CLSTN1: variants seen among roughly 807,000 people sequenced by gnomAD.
CLSTN1 encodes calsyntenin 1.
A neutral mutation model predicts 108.3 loss-of-function variants in CLSTN1; 28 were observed. That is an observed-to-expected ratio of 0.26 (90% confidence interval 0.19 to 0.35). The LOEUF (loss-of-function observed/expected upper bound fraction) is 0.35. Ranked by LOEUF, CLSTN1 falls within the 10% of genes least tolerant of loss-of-function variation. CLSTN1 has a pLI of 1.00. For synonymous variants in CLSTN1, 524 were observed against 534.9 expected, an observed-to-expected ratio of 0.98 and a Z score of 0.28; for missense variants, 1,157 against 1,302.6, an observed-to-expected ratio of 0.89 and a Z score of 1.72.
intron 16 of CLSTN1, 151 bp from the exon 17 acceptor site, chr1:9,732,047 G>A (rs201466642): frequency 1.9e-4 from 111 of 581,174 alleles, no homozygotes; most frequent in South Asian, 6.6e-4. Flanking sequence ...GAAAAGGACA[G>A]AAAAAAAAAT....
Position 9,731,889 on chromosome 1 carries a change from A to C in CLSTN1, c.2435T>G (p.Val812Gly). Residue 812 changes from valine to glycine, a missense_variant, in exon 17 of 19, where the codon GTA (valine) becomes GGA (glycine). Val to Gly is a moderately radical substitution (Grantham distance 109). Transcript: ENST00000377298. The stretch of plus-strand genomic sequence containing the variant: ...TTCCATGGGGTTGGCCGTGTGGATT[A>C]CATTCACCTATAGCAGAGAAAGAGA... ...ISNEFKVEVN[V>G]IHTANPMEHA... The C allele has an allele frequency of 6.2e-7, 1 of 1,614,194 alleles. No individual in the cohort carries two copies. The highest frequency in any genetic ancestry group is 8.5e-7 in the Non-Finnish European group (1 of 1,180,036).
At chr1:9,744,978 T>G (rs527547996) in intron 7 of CLSTN1, among the ~76,000 whole-genome samples, 1 of 152,252 alleles carries the variant, frequency 6.6e-6, no homozygotes, top group African/African-American at 2.4e-5. Context: ...GGCCTGGAAC[T>G]CCTGACCTCG....
At chr1:9,775,978 T>C (rs531740485) in intron 1 of CLSTN1, among the ~76,000 whole-genome samples, 20 of 141,684 alleles carry the variant, frequency 1.4e-4, no homozygotes, top group South Asian at 2.2e-4. Flanking sequence ...CCTCCTCTCT[T>C]TTTTTTTTTT....
In CLSTN1 at chr1:9,762,410, G is replaced by A. The variant is rs1474733846; in HGVS notation, c.215-5900C>T. Among the ~76,000 whole-genome samples the A allele has an allele frequency of 4.6e-5, 7 of 151,540 alleles. No homozygotes were observed. The East Asian group carries it at 9.7e-4, about 21-fold the overall frequency. On this transcript the variant is annotated intron_variant, in intron 2 of 18. Transcript: ENST00000377298. ...CGGGAGGCAGAAGTTGCAGTGAGCC[G>A]AGATCACGCCACTGCACTCCAGCCT...
At chr1:9,821,368 G>A (rs1399274183) in intron 1 of CLSTN1, among the ~76,000 whole-genome samples, 8 of 152,216 alleles carry the variant, frequency 5.3e-5, no homozygotes, top group African/African-American at 1.9e-4. Flanking sequence ...CCTGACCTCA[G>A]GTGATCCGCT....
chr1:9,822,400 C>T (rs1198114348), intron 1 of CLSTN1, among the ~76,000 whole-genome samples: 4 of 152,172 alleles, frequency 2.6e-5, no homozygotes, highest in African/African-American at 7.2e-5. Context: ...CCGCCTCTGC[C>T]CTTTAATTCG....
At chr1:9,777,465 G>A (rs1317414298) in intron 1 of CLSTN1, among the ~76,000 whole-genome samples, 7 of 152,058 alleles carry the variant, frequency 4.6e-5, no homozygotes, top group Admixed American at 4.6e-4. Context: ...AAAGGTTGCA[G>A]TGAGCCAAGA....
chr1:9,783,306 C>T lies in CLSTN1; in HGVS notation c.92-9912G>A, dbSNP rs189834310. Reference sequence around the variant, plus strand: ...GAAATCCACGGTTTCCAGCCAGGCGCAGTGGCTCACACCCATAATCCCAAC... The same window carrying T: ...GAAATCCACGGTTTCCAGCCAGGCGTAGTGGCTCACACCCATAATCCCAAC... On this transcript the variant is annotated intron_variant, in intron 1 of 18. Coordinates refer to ENST00000377298, the MANE Select transcript of CLSTN1 (RefSeq NM_001009566.3). Among the ~76,000 whole-genome samples, 28 of 152,140 alleles carry T rather than the reference C, an allele frequency of 1.8e-4. No homozygotes were observed. The East Asian group carries it at 5.4e-3, about 30-fold the overall frequency.
At chr1:9,748,679 G>C (rs568318980) in intron 7 of CLSTN1, among the ~76,000 whole-genome samples, 2 of 152,214 alleles carry the variant, frequency 1.3e-5, no homozygotes, top group East Asian at 3.9e-4. Flanking sequence ...GTAGAGACAG[G>C]GTTTTCTCCA....
intron 2 of CLSTN1, among the ~76,000 whole-genome samples, chr1:9,757,227 A>C (rs940595079): frequency 2.0e-5 from 3 of 151,916 alleles, no homozygotes; most frequent in African/African-American, 4.8e-5. Flanking sequence ...TAATGAAACA[A>C]AAATTTGGAG....
chr1:9,772,469 C>A (rs751760571), intron 2 of CLSTN1, among the ~76,000 whole-genome samples: 12 of 152,070 alleles, frequency 7.9e-5, no homozygotes, highest in African/African-American at 1.4e-4. Context: ...CTGTGCCCAG[C>A]CGTGCAGGAG....
chr1:9,735,344 C>T (rs1030096109), intron 13 of CLSTN1, 123 bp downstream of exon 13: 64 of 1,451,040 alleles, frequency 4.4e-5, no homozygotes, highest in Non-Finnish European at 5.6e-5. Flanking sequence ...CTCTCTGCCC[C>T]ACACTTTCTG....
intron 16 of CLSTN1, among the ~76,000 whole-genome samples, chr1:9,733,187 C>G (rs967702552): frequency 2.3e-4 from 35 of 152,248 alleles, no homozygotes; most frequent in African/African-American, 7.5e-4. Context: ...GAGCACCCCC[C>G]ACCCCAGCTC....
intron 3 of CLSTN1, 52 bp from the exon 4 acceptor site, chr1:9,755,361 C>T: frequency 6.9e-7 from 1 of 1,459,524 alleles, no homozygotes; most frequent in Non-Finnish European, 9.4e-7. Context: ...AGATCTTCTG[C>T]ACCTTGCCCT....
chr1:9,759,529 G>A (rs1380592088), intron 2 of CLSTN1, among the ~76,000 whole-genome samples: 10 of 152,202 alleles, frequency 6.6e-5, no homozygotes, highest in Admixed American at 4.6e-4. Context: ...TGATCCGCCC[G>A]CCTCGGCCTC....
intron 1 of CLSTN1, among the ~76,000 whole-genome samples, chr1:9,817,361 CTT>C (rs1227794987): frequency 1.3e-5 from 2 of 152,058 alleles, no homozygotes; most frequent in East Asian, 3.9e-4. Context: ...GAGTTTTGCT[CTT>C]GTTGCCCAGG....
intron 4 of CLSTN1, 134 bp downstream of exon 4, chr1:9,754,980 G>T: frequency 1.5e-6 from 1 of 652,186 alleles, no homozygotes; most frequent in South Asian, 2.1e-5. Flanking sequence ...CAATCTAATT[G>T]TAGACACTTG....
intron 1 of CLSTN1, among the ~76,000 whole-genome samples, chr1:9,790,984 T>C (rs1653741566): frequency 6.6e-6 from 1 of 150,550 alleles, no homozygotes; most frequent in African/African-American, 2.4e-5. Context: ...ATACAAAAAT[T>C]AGCCAGGCGT....
At chr1:9,735,395 G>T in intron 13 of CLSTN1, 72 bp downstream of exon 13, 1 of 1,594,202 alleles carries the variant, frequency 6.3e-7, no homozygotes, top group South Asian at 1.1e-5. Flanking sequence ...GAAGGGGTTA[G>T]GCTGTCTTAA....
Sources: allele counts gnomAD v4.1 joint callset (sites outside exome capture counted in the v4.1 genomes callset), GRCh38; gene constraint gnomAD v4.1.1; transcripts MANE v1.5; gene names NCBI Gene and HGNC (gene_info 2026-07-23, HGNC 2026-07-21).